The following TRAK1 variants were observed in gnomAD, a reference collection of about 807,000 sequenced individuals.
The protein encoded by TRAK1 is trafficking kinesin-binding protein 1.
In TRAK1, 33 loss-of-function variants were observed where a neutral mutation model predicts 92.1. The observed-to-expected ratio is 0.36, with a 90% CI of 0.27 to 0.48. The LOEUF (loss-of-function observed/expected upper bound fraction) is 0.48. Ranked by LOEUF, TRAK1 falls within the 20% of genes least tolerant of loss-of-function variation. The pLI is 0.99. For synonymous variants in TRAK1, 521 were observed against 517.3 expected (o/e 1.01, Z -0.10); for missense variants, 1,123 against 1,257.9 (o/e 0.89, Z 1.62).
chr3:42,038,741 T>G (rs1032338579), intron 1 of TRAK1, among the ~76,000 whole-genome samples: 9 of 149,634 alleles, frequency 6.0e-5, no homozygotes, highest in African/African-American at 2.0e-4. Context: ...TGAGGTGAGA[T>G]TGCGCCATTG....
At chr3:42,136,931 A>G (rs1261290187) in intron 2 of TRAK1, among the ~76,000 whole-genome samples, 2 of 152,132 alleles carry the variant, frequency 1.3e-5, no homozygotes, top group East Asian at 3.9e-4. Flanking sequence ...GATCCACCTC[A>G]GGCTCCCAAA....
At position 42,139,353 on chromosome 3, in the gene TRAK1, A is replaced by G. The variant is rs535111939; in HGVS notation, c.286+13739A>G. On this transcript the variant is annotated intron_variant, in intron 2 of 15. Coordinates refer to ENST00000327628, the MANE Select transcript of TRAK1 (RefSeq NM_001042646.3). Reference sequence around the variant, plus strand: ...GTTGACACAGACGTCTGCAGGATCAAAGGTAGAAGCAGAGACACCCTGGAG... The same window carrying G: ...GTTGACACAGACGTCTGCAGGATCAGAGGTAGAAGCAGAGACACCCTGGAG... 9.1e-4 allele frequency among the ~76,000 whole-genome samples: 138 copies of G among 152,238 alleles called. 1 individual carries two copies. Among genetic ancestry groups the G allele is most frequent in the Non-Finnish European group, 1.7e-3 (117 of 68,016 alleles).
At chr3:42,050,451 A>C (rs907173576) in intron 1 of TRAK1, among the ~76,000 whole-genome samples, 1 of 152,042 alleles carries the variant, frequency 6.6e-6, no homozygotes, top group Non-Finnish European at 1.5e-5. Flanking sequence ...ATTCTCCCTT[A>C]CTACCCTCCA....
chr3:42,202,433 C>T lies in TRAK1; in HGVS notation c.1428-3C>T. 1 of 1,476,110 alleles carries T rather than the reference C, an allele frequency of 6.8e-7. No homozygotes were observed. Among genetic ancestry groups the T allele is most frequent in the Non-Finnish European group, 9.0e-7 (1 of 1,109,948 alleles). 91.4% of individuals were successfully genotyped at this position (1,476,110 alleles called of 1,614,324 possible). On this transcript the variant is annotated splice_polypyrimidine_tract_variant and splice_region_variant and intron_variant, in intron 12 of 15. Coordinates refer to ENST00000327628, the MANE Select transcript of TRAK1 (RefSeq NM_001042646.3). The surrounding 1 kb of genome is among the most constrained non-coding windows in gnomAD (Gnocchi z 6.1). The stretch of plus-strand genomic sequence containing the variant: ...CCACCCTCACACCCCTTTCTTCTTC[C>T]AGAAACGATGAGCGGAGTAAGAAGC...
chr3:42,099,408 A>T (rs1379681080), intron 1 of TRAK1, among the ~76,000 whole-genome samples: 2 of 152,186 alleles, frequency 1.3e-5, no homozygotes, highest in Non-Finnish European at 1.5e-5. Flanking sequence ...TCCAGACCTG[A>T]GTGCGGCAGC....
At chr3:42,210,281 A>C in intron 14 of TRAK1, 1 of 1,517,116 alleles carries the variant, frequency 6.6e-7, no homozygotes, top group Non-Finnish European at 8.8e-7. Flanking sequence ...CTCATTGCAC[A>C]GTTCTGTTTT....
intron 2 of TRAK1, among the ~76,000 whole-genome samples, chr3:42,176,026 A>G (rs1243744986): frequency 6.6e-6 from 1 of 152,220 alleles, no homozygotes; most frequent in African/African-American, 2.4e-5. Flanking sequence ...TCACTGATTT[A>G]AAATAAAACA....
chr3:42,153,175 G>GA (rs1253436381), intron 2 of TRAK1, among the ~76,000 whole-genome samples: 2 of 152,154 alleles, frequency 1.3e-5, no homozygotes, highest in African/African-American at 4.8e-5. Context: ...GGCTAAAGGG[G>GA]GGAGGATCAC....
intron 2 of TRAK1, among the ~76,000 whole-genome samples, chr3:42,131,411 C>A (rs1371054814): frequency 6.6e-6 from 1 of 152,100 alleles, no homozygotes; most frequent in Non-Finnish European, 1.5e-5. Context: ...CCCTGATGCA[C>A]CTAGAGCTTT....
chr3:42,134,403 G>A (rs141441726), intron 2 of TRAK1, among the ~76,000 whole-genome samples: 11,646 of 150,628 alleles, frequency 0.077, 488 homozygotes, highest in Middle Eastern at 0.15. Context: ...TCAGCCTCCC[G>A]AGTAGCTGGG....
In TRAK1 at chr3:42,201,028, T is replaced by G; in HGVS notation, c.1401T>G (p.Ile467Met). Residue 467 changes from isoleucine to methionine, a missense_variant, in exon 12 of 16, where the codon ATT (isoleucine) becomes ATG (methionine). By Grantham distance (10) the Ile-to-Met change is conservative. Around this residue, in one of 3 missense-constraint regions of TRAK1, gnomAD observed 686 missense variants for 747.6 expected, o/e 0.92. Transcript: ENST00000327628. ...TCGACAACAAGACCAACAGCATCAT[T>G]CTGGAAACAGAGGCAGCCGACCTGG... ...VVLDNKTNSI[I>M]LETEAADLGN... 1 of 1,614,084 alleles carries G rather than the reference T, an allele frequency of 6.2e-7. No homozygotes were observed. The highest frequency in any genetic ancestry group is 8.5e-7 in the Non-Finnish European group (1 of 1,180,018).
At chr3:42,181,006 C>T (rs752663796) in intron 3 of TRAK1, among the ~76,000 whole-genome samples, 17 of 152,290 alleles carry the variant, frequency 1.1e-4, no homozygotes, top group South Asian at 4.1e-4. Flanking sequence ...CAAGAAGAGG[C>T]GAGGCAGCCC....
upstream of TRAK1, among the ~76,000 whole-genome samples, chr3:42,083,018 C>T (rs1704507912): frequency 6.6e-6 from 1 of 152,206 alleles, no homozygotes; most frequent in South Asian, 2.1e-4. Flanking sequence ...TAGCATTTCA[C>T]TGTGCCATAC....
At chr3:42,043,568 T>C (rs1702634054) in intron 1 of TRAK1, among the ~76,000 whole-genome samples, 1 of 151,298 alleles carries the variant, frequency 6.6e-6, no homozygotes. Flanking sequence ...TTTTCGCCAG[T>C]GTGTTTTTCC....
At chr3:42,090,465 C>A (rs1020169290), upstream of TRAK1, among the ~76,000 whole-genome samples, 8 of 152,196 alleles carry the variant, frequency 5.3e-5, no homozygotes, top group African/African-American at 1.9e-4. Flanking sequence ...GCGGGCAGAT[C>A]ACCTGAGGTC....
intron 2 of TRAK1, among the ~76,000 whole-genome samples, chr3:42,158,676 G>C (rs1339095582): frequency 6.7e-6 from 1 of 149,708 alleles, no homozygotes; most frequent in Non-Finnish European, 1.5e-5. Context: ...GGGCGTGGTG[G>C]TTCACGCCTG....
At chr3:42,198,113 A>T (rs953884009) in intron 10 of TRAK1, among the ~76,000 whole-genome samples, 11 of 152,272 alleles carry the variant, frequency 7.2e-5, no homozygotes, top group East Asian at 1.9e-4. Flanking sequence ...CTCCATGGAT[A>T]TCCTCCTCTG....
At chr3:42,042,634 G>A (rs1203492596) in intron 1 of TRAK1, among the ~76,000 whole-genome samples, 1 of 151,868 alleles carries the variant, frequency 6.6e-6, no homozygotes, top group Non-Finnish European at 1.5e-5. Flanking sequence ...GCCTCCCAAA[G>A]TGCTGGGATT....
chr3:42,132,826 TCCTC>T (rs1697392289), intron 2 of TRAK1, among the ~76,000 whole-genome samples: 1 of 152,064 alleles, frequency 6.6e-6, no homozygotes, highest in Non-Finnish European at 1.5e-5. Context: ...GACCTTCCCT[TCCTC>T]CCTCAGCCTC....
Sources: gnomAD v4.1 joint callset for allele counts (sites outside exome capture counted in the v4.1 genomes callset) on GRCh38, gnomAD v4.1.1 for gene constraint, gnomAD v4.1.1 regional missense constraint, Gnocchi (gnomAD v3.1) non-coding constraint, MANE v1.5 for transcripts, NCBI Gene and HGNC (gene_info 2026-07-23, HGNC 2026-07-21) for gene names.